Variants in ALDH1A2 observed in about 807,000 individuals in gnomAD.
The protein encoded by ALDH1A2 is aldehyde dehydrogenase 1 family member A2, also known as retinal dehydrogenase 2.
ALDH1A2 carries 27 observed loss-of-function variants against 60.3 expected under a neutral mutation model. The observed-to-expected ratio is 0.45, with a 90% CI of 0.33 to 0.62. The LOEUF (loss-of-function observed/expected upper bound fraction) is 0.62, where lower values mean the gene tolerates loss of function less well. ALDH1A2 is among the 20% of genes least tolerant of loss of function. The pLI, the probability that ALDH1A2 is intolerant of heterozygous loss-of-function variation, is 0.02. For synonymous variants in ALDH1A2, 289 were observed against 232.4 expected (o/e 1.24, Z -2.21); for missense variants, 581 against 643.8 (o/e 0.90, Z 1.06).
intron 7 of ALDH1A2, among the ~76,000 whole-genome samples, chr15:57,974,432 C>CAAAAAAAAAAA (rs61170362): frequency 4.1e-5 from 4 of 96,682 alleles, no homozygotes; most frequent in Non-Finnish European, 5.8e-5. Flanking sequence ...GACTCCATCT[C>CAAAAAAAAAAA]AAAAAAAAAA....
intron 4 of ALDH1A2, among the ~76,000 whole-genome samples, chr15:58,008,902 T>C (rs1015942830): frequency 6.6e-6 from 1 of 152,114 alleles, no homozygotes; most frequent in African/African-American, 2.4e-5. Flanking sequence ...CCCCACATCT[T>C]GCAAGTGATG....
chr15:58,065,260 A>G (rs3803451), intron 1 of ALDH1A2: 9 of 468,962 alleles, frequency 1.9e-5, no homozygotes, highest in African/African-American at 1.6e-4. Context: ...GACAGAAACC[A>G]GCCTCAGAGT....
intron 1 of ALDH1A2, among the ~76,000 whole-genome samples, chr15:58,057,288 T>G (rs1896919871): frequency 6.6e-6 from 1 of 151,780 alleles, no homozygotes; most frequent in South Asian, 2.1e-4. Context: ...AACATATGTT[T>G]AACAAGCTAA....
intron 3 of ALDH1A2, among the ~76,000 whole-genome samples, chr15:58,013,186 T>C (rs1429527840): frequency 1.3e-5 from 2 of 152,176 alleles, no homozygotes; most frequent in Non-Finnish European, 2.9e-5. Flanking sequence ...TACCATCCCC[T>C]CTGGTTCTGA....
intron 7 of ALDH1A2, among the ~76,000 whole-genome samples, chr15:57,985,758 G>C (rs1894679099): frequency 6.6e-6 from 1 of 152,116 alleles, no homozygotes; most frequent in Admixed American, 6.5e-5. Flanking sequence ...ACTCCAAAGA[G>C]AATGTCCTCC....
intron 7 of ALDH1A2, among the ~76,000 whole-genome samples, chr15:57,976,897 T>G (rs190906320): frequency 1.1e-4 from 17 of 152,270 alleles, no homozygotes; most frequent in Admixed American, 9.2e-4. Context: ...AAAGCATTCC[T>G]ATTTCTCCAA....
chr15:58,064,288 CG>C (rs1214733780), intron 1 of ALDH1A2, among the ~76,000 whole-genome samples: 2 of 152,170 alleles, frequency 1.3e-5, no homozygotes, highest in Non-Finnish European at 2.9e-5. Context: ...CTCATTAAAA[CG>C]GCTTTGAAAA....
Position 58,065,625 on chromosome 15 carries a change from G to A in ALDH1A2, c.26C>T (p.Pro9Leu). Residue 9 changes from proline to leucine, a missense_variant, in exon 1 of 13, where the codon CCC becomes CTC. By Grantham distance (98) the Pro-to-Leu change is moderately conservative. Transcript: ENST00000249750. Reference protein sequence around the residue: MTSSKIEMPGEVKADPAAL... With the variant: MTSSKIEMLGEVKADPAAL... Reference sequence around the variant, plus strand: ...GGCGGGGTCGGCCTTCACCTCGCCGGGCATCTCTATCTTGCTGGAAGTCAT... The same window carrying A: ...GGCGGGGTCGGCCTTCACCTCGCCGAGCATCTCTATCTTGCTGGAAGTCAT... 1 of 1,605,992 alleles carries A rather than the reference G, an allele frequency of 6.2e-7. No individual in the cohort carries two copies. The highest frequency in any genetic ancestry group is 8.5e-7 in the Non-Finnish European group (1 of 1,175,808).
intron 4 of ALDH1A2, among the ~76,000 whole-genome samples, chr15:58,005,748 C>T (rs761215458): frequency 6.6e-6 from 1 of 151,874 alleles, no homozygotes; most frequent in African/African-American, 2.4e-5. Context: ...GGTGACCAAA[C>T]AGAACTGTGT....
In ALDH1A2 at chr15:58,050,608, A is replaced by G. The variant is rs187571866; in HGVS notation, c.117+14926T>C. 5.3e-5 allele frequency among the ~76,000 whole-genome samples: 8 copies of G among 152,280 alleles called. No homozygotes were observed. In the East Asian group the frequency reaches 1.2e-3, roughly 22 times the overall value. On this transcript the variant is annotated intron_variant, in intron 1 of 12. Coordinates refer to ENST00000249750, the MANE Select transcript of ALDH1A2 (RefSeq NM_003888.4). ...AAGACAAATTCCATTTCATTATTGC[A>G]CTTAGACTTGCTCCCTGCACAGGCA...
chr15:58,032,776 C>G (rs1896275144), intron 1 of ALDH1A2, among the ~76,000 whole-genome samples: 1 of 144,376 alleles, frequency 6.9e-6, no homozygotes, highest in Admixed American at 7.0e-5. Context: ...CAGAATCAAC[C>G]AAAGTGCCCC....
intron 1 of ALDH1A2, among the ~76,000 whole-genome samples, chr15:58,022,535 G>A (rs1249028851): frequency 6.6e-6 from 1 of 152,048 alleles, no homozygotes; most frequent in African/African-American, 2.4e-5. Flanking sequence ...CCTCCGGGGG[G>A]AAAGCCACCT....
At chr15:57,995,230 A>AAAC in intron 4 of ALDH1A2, 91 bp from the exon 5 acceptor site, 1 of 755,748 alleles carries the variant, frequency 1.3e-6, no homozygotes, top group South Asian at 1.5e-5. Context: ...AAAAAAAAAA[A>AAAC]AAAAAACAAA....
At chr15:58,030,589 G>C (rs1457123883) in intron 1 of ALDH1A2, among the ~76,000 whole-genome samples, 3 of 152,098 alleles carry the variant, frequency 2.0e-5, no homozygotes, top group Non-Finnish European at 4.4e-5. Context: ...AGGAAAAGAG[G>C]AAGTCAAATT....
At chr15:57,964,284 T>C in intron 8 of ALDH1A2, 1 of 573,466 alleles carries the variant, frequency 1.7e-6, no homozygotes, top group Non-Finnish European at 3.1e-6. Context: ...CTCTTTCTTA[T>C]TCTGCAAACA....
intron 1 of ALDH1A2, among the ~76,000 whole-genome samples, chr15:58,063,237 C>T (rs1425562799): frequency 6.6e-6 from 1 of 152,134 alleles, no homozygotes; most frequent in Non-Finnish European, 1.5e-5. Context: ...AGACAAAAAA[C>T]AATAACATAT....
chr15:57,966,404 A>G (rs1268482797), intron 7 of ALDH1A2, among the ~76,000 whole-genome samples: 2 of 152,202 alleles, frequency 1.3e-5, no homozygotes, highest in Non-Finnish European at 1.5e-5. Flanking sequence ...GAATCCAAGT[A>G]AACAAGAGGC....
At chr15:57,971,563 C>T (rs1894067229) in intron 7 of ALDH1A2, among the ~76,000 whole-genome samples, 1 of 151,790 alleles carries the variant, frequency 6.6e-6, no homozygotes, top group African/African-American at 2.4e-5. Context: ...GCTGGGACTA[C>T]AGGCACTTGC....
At chr15:58,014,439 T>C (rs977651345) in intron 1 of ALDH1A2, 158 bp from the exon 2 acceptor site, 5 of 701,750 alleles carry the variant, frequency 7.1e-6, no homozygotes, top group African/African-American at 5.3e-5. Context: ...TCAACGCCAA[T>C]TTAGGAATTT....
Sources: allele counts gnomAD v4.1 joint callset (sites outside exome capture counted in the v4.1 genomes callset), GRCh38; gene constraint gnomAD v4.1.1; transcripts MANE v1.5; gene names NCBI Gene and HGNC (gene_info 2026-07-23, HGNC 2026-07-21).